MBTD1: variants seen among roughly 807,000 people sequenced by gnomAD.
The protein encoded by MBTD1 is MBT domain-containing protein 1.
In MBTD1, 24 loss-of-function variants were observed where a neutral mutation model predicts 87.8. The observed-to-expected ratio is 0.27, with a 90% confidence interval of 0.20 to 0.38. The LOEUF is 0.38. Ranked by LOEUF, MBTD1 falls within the 10% of genes least tolerant of loss-of-function variation. The pLI is 1.00. For missense variants in MBTD1, 436 were observed against 760.2 expected, an observed-to-expected ratio of 0.57 and a Z score of 5.02; for synonymous variants, 237 against 248.6, an observed-to-expected ratio of 0.95 and a Z score of 0.44.
chr17:51,254,382 T>C (rs188245576), intron 2 of MBTD1, among the ~76,000 whole-genome samples: 2 of 152,352 alleles, frequency 1.3e-5, no homozygotes, highest in East Asian at 3.9e-4. Context: ...ACTGAGTTTT[T>C]ATTTCCCACA....
At chr17:51,230,669 T>C (rs578173356) in intron 2 of MBTD1, among the ~76,000 whole-genome samples, 28 of 152,268 alleles carry the variant, frequency 1.8e-4, no homozygotes, top group African/African-American at 6.7e-4. Context: ...CGAGGGCTTT[T>C]GGGCTAGAAT....
In MBTD1 at chr17:51,190,721, C is replaced by CAA. The variant is rs1165717944; in HGVS notation, c.1768+1480_1768+1481dup. On this transcript the variant is annotated intron_variant, in intron 16 of 16. Coordinates refer to ENST00000586178, the MANE Select transcript of MBTD1 (RefSeq NM_017643.3). ...TGGGCGACAGACTGAGACTCTGTCT[C>CAA]AAAAAAAAAAAAAAAAAAAAAAAAA... Among the ~76,000 whole-genome samples the CAA allele has an allele frequency of 4.3e-3, 152 of 35,134 alleles. 2 individuals are homozygous for CAA. Among genetic ancestry groups the CAA allele is most frequent in the African/African-American group, 6.9e-3 (37 of 5,394 alleles). The allele number at this position is 35,134 out of a possible 152,430, so 23.0% of individuals were successfully genotyped here. A position where few individuals can be genotyped will look rare whatever the true frequency, so the allele number is the denominator to read the frequency against.
chr17:51,219,509 C>T (rs2052764346), intron 4 of MBTD1, among the ~76,000 whole-genome samples: 2 of 152,126 alleles, frequency 1.3e-5, no homozygotes, highest in South Asian at 2.1e-4. Context: ...TGATCATGGG[C>T]CAAATTCACA....
intron 12 of MBTD1, among the ~76,000 whole-genome samples, chr17:51,196,928 C>G (rs2051141749): frequency 6.6e-6 from 1 of 150,604 alleles, no homozygotes; most frequent in Admixed American, 6.6e-5. Flanking sequence ...GAAATAGGTT[C>G]AAGGTTATAG....
At chr17:51,240,035 C>A (rs200703163) in intron 2 of MBTD1, among the ~76,000 whole-genome samples, 2 of 152,068 alleles carry the variant, frequency 1.3e-5, no homozygotes, top group Non-Finnish European at 2.9e-5. Context: ...TAGAGGGAGA[C>A]CTTATCTTTT....
At position 51,179,503 on chromosome 17, in the gene MBTD1, T is replaced by TACATATATATATATATATATATAC. The variant is rs1568135873; in HGVS notation, c.*1072_*1073insGTATATATATATATATATATATGT. ...ACAATTTTATATATATATATATATATATATATATATATATATATATATATA... is the reference window on the plus strand; with the variant it reads ...ACAATTTTATATATATATATATATATACATATATATATATATATATATACATATATATATATATATATATATATA... On this transcript the variant is annotated 3_prime_UTR_variant, in exon 17 of 17. Coordinates refer to ENST00000586178, the MANE Select transcript of MBTD1 (RefSeq NM_017643.3). 1 of 79,520 alleles carries TACATATATATATATATATATATAC rather than the reference T, an allele frequency of 1.3e-5. No homozygotes were observed. The highest frequency in any genetic ancestry group is 5.0e-5 in the African/African-American group (1 of 19,828). 4.9% of individuals were successfully genotyped at this position (79,520 alleles called of 1,614,324 possible).
chr17:51,223,357 A>C (rs943524659), intron 3 of MBTD1, among the ~76,000 whole-genome samples: 1 of 150,930 alleles, frequency 6.6e-6, no homozygotes, highest in East Asian at 2.0e-4. Flanking sequence ...ATATGGTGAA[A>C]ATTGCCCGTC....
chr17:51,258,232 T>C (rs2055207826), intron 2 of MBTD1, among the ~76,000 whole-genome samples: 1 of 152,198 alleles, frequency 6.6e-6, no homozygotes, highest in South Asian at 2.1e-4. Flanking sequence ...TTCTACATTA[T>C]ACCTGTTATG....
chr17:51,230,305 C>G (rs2053478428), intron 2 of MBTD1, among the ~76,000 whole-genome samples: 1 of 152,190 alleles, frequency 6.6e-6, no homozygotes, highest in African/African-American at 2.4e-5. Flanking sequence ...AGAATTCTGA[C>G]AAACATGGGT....
At chr17:51,209,269 G>A in intron 6 of MBTD1, 1 of 434,982 alleles carries the variant, frequency 2.3e-6, no homozygotes, top group South Asian at 1.7e-5. Context: ...GATTGGCATA[G>A]CATGAACTAG....
chr17:51,233,608 A>T (rs1374047601), intron 2 of MBTD1, among the ~76,000 whole-genome samples: 8 of 152,254 alleles, frequency 5.3e-5, no homozygotes, highest in Non-Finnish European at 1.2e-4. Flanking sequence ...AAGATCCAAA[A>T]TCCAATTAAG....
chr17:51,200,559 C>CA (rs34253360), intron 12 of MBTD1, among the ~76,000 whole-genome samples: 21,601 of 62,120 alleles, frequency 0.35, 4,248 homozygotes, highest in African/African-American at 0.41. Flanking sequence ...GATACCATCT[C>CA]AAAAAAAAAA....
At chr17:51,201,756 A>C (rs2051505499) in intron 11 of MBTD1, 60 bp from the exon 12 acceptor site, 1 of 1,151,104 alleles carries the variant, frequency 8.7e-7, no homozygotes, top group Non-Finnish European at 1.3e-6. Context: ...GATAATTAAA[A>C]TATTACCAAT....
chr17:51,179,511 T>C lies in MBTD1; in HGVS notation c.*1065A>G, dbSNP rs1222018357. 1 of 98,518 alleles carries C rather than the reference T, an allele frequency of 1.0e-5. No individual in the cohort carries two copies. The highest frequency in any genetic ancestry group is 3.9e-5 in the African/African-American group (1 of 25,424). 6.1% of individuals were successfully genotyped at this position (98,518 alleles called of 1,614,324 possible). On this transcript the variant is annotated 3_prime_UTR_variant, in exon 17 of 17. Coordinates refer to ENST00000586178, the MANE Select transcript of MBTD1 (RefSeq NM_017643.3). ...ATATATATATATATATATATATATA[T>C]ATATATATATATATATATATATATA...
intron 2 of MBTD1, among the ~76,000 whole-genome samples, chr17:51,247,679 G>C (rs575151285): frequency 1.1e-4 from 17 of 152,116 alleles, no homozygotes; most frequent in African/African-American, 4.1e-4. Context: ...CAAACTCCTG[G>C]GGTCAAGTGA....
intron 16 of MBTD1, among the ~76,000 whole-genome samples, chr17:51,182,590 T>C (rs1195840903): frequency 6.6e-6 from 1 of 152,186 alleles, no homozygotes; most frequent in South Asian, 2.1e-4. Context: ...CCCCTGAATC[T>C]GGGCAGCCTG....
At chr17:51,236,076 TAG>T (rs572311370) in intron 2 of MBTD1, among the ~76,000 whole-genome samples, 2 of 152,128 alleles carry the variant, frequency 1.3e-5, no homozygotes, top group South Asian at 4.1e-4. Flanking sequence ...TAGATACATA[TAG>T]AGTGTATATA....
At chr17:51,194,502 G>C (rs1199511693) in intron 13 of MBTD1, among the ~76,000 whole-genome samples, 3 of 147,438 alleles carry the variant, frequency 2.0e-5, no homozygotes, top group Non-Finnish European at 3.0e-5. Flanking sequence ...CTGGGAGGCG[G>C]AGGCTGTAAA....
intron 12 of MBTD1, among the ~76,000 whole-genome samples, chr17:51,196,750 G>A (rs921079860): frequency 9.2e-5 from 14 of 151,790 alleles, no homozygotes; most frequent in Admixed American, 2.0e-4. Flanking sequence ...AATTAGCCAG[G>A]CATGGCGGTG....
Sources: gnomAD v4.1 joint callset for allele counts (sites outside exome capture counted in the v4.1 genomes callset) on GRCh38, gnomAD v4.1.1 for gene constraint, MANE v1.5 for transcripts, NCBI Gene and HGNC (gene_info 2026-07-23, HGNC 2026-07-21) for gene names.